The following SCUBE1 variants were observed in gnomAD, a reference collection of about 807,000 sequenced individuals.
SCUBE1 encodes signal peptide, CUB domain and EGF like domain containing 1.
Under a neutral mutation model 124.4 loss-of-function variants are expected in SCUBE1, and 59 were observed. That is an observed-to-expected ratio of 0.47 (90% CI 0.38 to 0.59). The LOEUF is 0.59. Ranked by LOEUF, SCUBE1 falls within the 20% of genes least tolerant of loss-of-function variation. The pLI, the probability that SCUBE1 is intolerant of heterozygous loss-of-function variation, is 0.00. For missense variants in SCUBE1, 1,150 were observed against 1,371.2 expected (o/e 0.84, Z 2.55); for synonymous variants, 545 against 550.9 (o/e 0.99, Z 0.15).
intron 4 of SCUBE1, among the ~76,000 whole-genome samples, chr22:43,288,308 G>A (rs1035055378): frequency 1.3e-5 from 2 of 152,098 alleles, no homozygotes; most frequent in Non-Finnish European, 2.9e-5. Flanking sequence ...ACCAGCCACT[G>A]CACAATTTAT....
chr22:43,318,576 G>A (rs1926431322), intron 3 of SCUBE1, among the ~76,000 whole-genome samples: 1 of 152,176 alleles, frequency 6.6e-6, no homozygotes, highest in Non-Finnish European at 1.5e-5. Flanking sequence ...AATGCATGCT[G>A]ACTATCTGAT....
intron 19 of SCUBE1, 124 bp from the exon 20 acceptor site, chr22:43,208,348 C>T (rs527554278): frequency 2.2e-5 from 19 of 852,596 alleles, no homozygotes; most frequent in African/African-American, 8.4e-5. Flanking sequence ...CCAAACACAA[C>T]GGCTTAGTCT....
At chr22:43,249,967 C>T (rs143227549) in intron 6 of SCUBE1, among the ~76,000 whole-genome samples, 1 of 152,364 alleles carries the variant, frequency 6.6e-6, no homozygotes, top group East Asian at 1.9e-4. Context: ...CACCTCAGTG[C>T]CCCAACTGCG....
chr22:43,339,755 C>A (rs1223087604), intron 1 of SCUBE1, among the ~76,000 whole-genome samples: 2 of 19,684 alleles, frequency 1.0e-4, no homozygotes, highest in African/African-American at 5.7e-4. Context: ...CTCCAACCCT[C>A]CCCCCACTCT....
intron 6 of SCUBE1, among the ~76,000 whole-genome samples, chr22:43,251,236 G>A (rs1159440457): frequency 2.0e-5 from 3 of 152,194 alleles, no homozygotes; most frequent in Admixed American, 6.5e-5. Flanking sequence ...GAAGTGGGTG[G>A]GGTGCATCCC....
Position 43,220,436 on chromosome 22 carries a change from A to T in SCUBE1, c.1687+14T>A, listed in dbSNP as rs1188347617. The T allele has an allele frequency of 1.3e-5, 21 of 1,611,672 alleles. No individual in the cohort carries two copies. The highest frequency in any genetic ancestry group is 4.4e-5 in the South Asian group (4 of 90,882). Reference sequence around the variant, plus strand: ...TCAGGCCTGCAGAAGCCCCCAGGAGAACCCCTCACCTACCTGAGGCCTCTT... The same window carrying T: ...TCAGGCCTGCAGAAGCCCCCAGGAGTACCCCTCACCTACCTGAGGCCTCTT... On this transcript the variant is annotated intron_variant, in intron 14 of 21. Transcript: ENST00000360835.
At chr22:43,261,780 G>T (rs1923879739) in intron 5 of SCUBE1, among the ~76,000 whole-genome samples, 1 of 152,238 alleles carries the variant, frequency 6.6e-6, no homozygotes, top group Non-Finnish European at 1.5e-5. Flanking sequence ...CTTGTCTCTT[G>T]CCAGAGATGG....
At chr22:43,283,075 G>C (rs5751468) in intron 4 of SCUBE1, 48,239 of 152,288 alleles carry the variant, frequency 0.32, 8,061 homozygotes, top group East Asian at 0.44. Context: ...TGAACAGCCC[G>C]CTAGCCAAGC....
At chr22:43,281,839 C>T (rs372600679) in intron 4 of SCUBE1, 9 of 153,612 alleles carry the variant, frequency 5.9e-5, no homozygotes, top group African/African-American at 7.2e-5. Context: ...TTCACTGTCA[C>T]GGCACAGTCC....
At chr22:43,293,962 G>A (rs772461800) in intron 3 of SCUBE1, among the ~76,000 whole-genome samples, 7 of 152,250 alleles carry the variant, frequency 4.6e-5, no homozygotes, top group Non-Finnish European at 8.8e-5. Context: ...GGCGGTTGAC[G>A]TAAGGCATCT....
At position 43,210,206 on chromosome 22, in the gene SCUBE1, G is replaced by T. The variant is rs151158613; in HGVS notation, c.2418C>A (p.Thr806=). 6.3e-7 allele frequency: 1 copy of T among 1,584,158 alleles called. No individual in the cohort carries two copies. Among genetic ancestry groups the T allele is most frequent in the East Asian group, 2.3e-5 (1 of 44,228 alleles). Residue 806 remains threonine (T), a synonymous_variant, in exon 19 of 22, where the codon ACC becomes ACA. Transcript: ENST00000360835. The surrounding 1 kb of genome is among the most constrained non-coding windows in gnomAD (Gnocchi z 4.5). ...QHCGGELGDY[T]GYIESPNYPG... is the part of the protein sequence containing the mutation. Reference sequence around the variant, plus strand: ...GGTAGTTGGGGGACTCGATGTAGCCGGTGTAGTCACCAAGCTCGCCGCCGC... The same window carrying T: ...GGTAGTTGGGGGACTCGATGTAGCCTGTGTAGTCACCAAGCTCGCCGCCGC...
At chr22:43,268,177 G>A (rs1401066844) in intron 4 of SCUBE1, among the ~76,000 whole-genome samples, 5 of 152,220 alleles carry the variant, frequency 3.3e-5, no homozygotes, top group African/African-American at 1.2e-4. Context: ...CCAACCCCAA[G>A]CCCCAGGCCC....
chr22:43,326,916 C>T (rs555048796), intron 2 of SCUBE1, among the ~76,000 whole-genome samples: 20 of 152,098 alleles, frequency 1.3e-4, no homozygotes, highest in Admixed American at 1.2e-3. Flanking sequence ...TGCTCATCTT[C>T]GAGCAGATCT....
chr22:43,208,288 C>T (rs1027154011), intron 19 of SCUBE1, 64 bp from the exon 20 acceptor site: 17 of 1,521,436 alleles, frequency 1.1e-5, no homozygotes, highest in Admixed American at 6.7e-5. Flanking sequence ...CTAGGCCACT[C>T]GCCTCCCATC....
At chr22:43,339,635 TCCCCCCACAA>T (rs1927208550) in intron 1 of SCUBE1, among the ~76,000 whole-genome samples, 1 of 75,110 alleles carries the variant, frequency 1.3e-5, no homozygotes, top group South Asian at 4.9e-4. Context: ...CCTTACTCTA[TCCCCCCACAA>T]GCATCACTCC....
intron 16 of SCUBE1, among the ~76,000 whole-genome samples, chr22:43,213,848 T>G (rs571830061): frequency 6.6e-6 from 1 of 151,706 alleles, no homozygotes; most frequent in African/African-American, 2.4e-5. Context: ...CCGAGTGCAG[T>G]GCAGCGCTCA....
chr22:43,197,653 C>T lies in SCUBE1; in HGVS notation c.*6344G>A, dbSNP rs1258050343. ...CCACCCATCTGCCGAGGGCACTGGG[C>T]ACTCTCTTACTTGCATCTCTGCAGG... is the stretch of plus-strand genomic sequence containing the variant. On this transcript the variant is annotated 3_prime_UTR_variant, in exon 22 of 22. Transcript: ENST00000360835. The T allele has an allele frequency of 6.6e-6, 1 of 152,450 alleles. No homozygotes were observed. The highest frequency in any genetic ancestry group is 1.5e-5 in the Non-Finnish European group (1 of 68,196). 9.4% of individuals were successfully genotyped at this position (152,450 alleles called of 1,614,324 possible).
At chr22:43,222,371 G>A (rs536162964) in intron 12 of SCUBE1, among the ~76,000 whole-genome samples, 6 of 152,326 alleles carry the variant, frequency 3.9e-5, no homozygotes, top group South Asian at 4.1e-4. Context: ...CTCACAGCAC[G>A]TTAGAGTCCC....
intron 7 of SCUBE1, 194 bp from the exon 8 acceptor site, chr22:43,232,069 T>G: frequency 3.4e-6 from 2 of 591,870 alleles, no homozygotes; most frequent in African/African-American, 1.9e-5. Context: ...GGGTCGGGGC[T>G]GGGTTGTACT....
Sources: gnomAD v4.1 joint callset for allele counts (sites outside exome capture counted in the v4.1 genomes callset) on GRCh38, gnomAD v4.1.1 for gene constraint, Gnocchi (gnomAD v3.1) non-coding constraint, MANE v1.5 for transcripts, NCBI Gene and HGNC (gene_info 2026-07-23, HGNC 2026-07-21) for gene names.